Variants in SMC6 observed in about 807,000 individuals in gnomAD.
SMC6 encodes structural maintenance of chromosomes 6.
SMC6 carries 79 observed loss-of-function variants against 142.2 expected under a neutral mutation model. That is an observed-to-expected ratio of 0.56 (90% CI 0.46 to 0.67). The LOEUF (loss-of-function observed/expected upper bound fraction) is 0.67, where lower values mean the gene tolerates loss of function less well. Among genes scored for constraint, SMC6 ranks in the 30% least tolerant of loss-of-function variants. The probability of loss-of-function intolerance (pLI) is 0.00; values close to 1 mark genes in which losing one functional copy is unlikely to be tolerated. For missense variants in SMC6, 1,072 were observed against 1,284.0 expected (o/e 0.83, Z 2.52); for synonymous variants, 411 against 412.4 (o/e 1.00, Z 0.04).
intron 9 of SMC6, among the ~76,000 whole-genome samples, chr2:17,724,620 G>C (rs941966396): frequency 2.6e-5 from 4 of 152,300 alleles, no homozygotes; most frequent in Non-Finnish European, 5.9e-5. Context: ...TGGATCTTCA[G>C]GAATCTGAAG....
At chr2:17,687,377 A>G (rs1375254916) in intron 23 of SMC6, among the ~76,000 whole-genome samples, 1 of 152,216 alleles carries the variant, frequency 6.6e-6, no homozygotes, top group Non-Finnish European at 1.5e-5. Context: ...AAACTATGGT[A>G]CAGATCAATG....
At chr2:17,709,108 T>C (rs1366731200) in intron 16 of SMC6, among the ~76,000 whole-genome samples, 2 of 152,248 alleles carry the variant, frequency 1.3e-5, no homozygotes, top group Admixed American at 1.3e-4. Context: ...CCCAACGTCA[T>C]GAAGCTACTT....
intron 23 of SMC6, among the ~76,000 whole-genome samples, chr2:17,686,083 G>C (rs1451602892): frequency 6.6e-6 from 1 of 152,130 alleles, no homozygotes; most frequent in East Asian, 1.9e-4. Flanking sequence ...CCATCAGACA[G>C]GCACAAATTA....
At position 17,716,811 on chromosome 2, in the gene SMC6, A is replaced by C; in HGVS notation, c.1276T>G (p.Ser426Ala). 6.2e-7 allele frequency: 1 copy of C among 1,613,592 alleles called. No individual in the cohort carries two copies. The change falls in exon 14 of 28, where the codon TCA becomes GCA. Residue 426 changes from serine (S) to alanine (A), a missense_variant. Physicochemically the swap from Ser to Ala is moderately conservative, Grantham distance 99. This residue lies in a region of SMC6 where 994 missense variants were observed against 1,153.2 expected (regional missense o/e 0.86). Transcript: ENST00000448223. ...RVKAFQNQEN[S>A]VNQEIEQFQQ... ...AACTGTTCGATCTCTTGATTGACTG[A>C]ATTTTCTTGATTTTGAAAGGCCTTT...
chr2:17,720,839 A>G, intron 11 of SMC6, 101 bp downstream of exon 11: 1 of 976,870 alleles, frequency 1.0e-6, no homozygotes, highest in South Asian at 1.6e-5. Flanking sequence ...ATAGACAAAT[A>G]TACTGTCTGA....
Position 17,731,970 on chromosome 2 carries a change from AT to A in SMC6, c.345-94del, listed in dbSNP as rs1453143104. The stretch of plus-strand genomic sequence containing the variant: ...TTTTCAAATTTTTCAAAACCACCAA[AT>A]AATTTGGCCAATTCATTTGCAAATT... On this transcript the variant is annotated intron_variant, in intron 5 of 27. Coordinates refer to ENST00000448223, the MANE Select transcript of SMC6 (RefSeq NM_001142286.2). The A allele has an allele frequency of 2.9e-6, 4 of 1,364,302 alleles. No individual in the cohort carries two copies. In the African/African-American group the frequency reaches 5.8e-5, roughly 20 times the overall value. 84.5% of individuals were successfully genotyped at this position (1,364,302 alleles called of 1,614,324 possible).
rs772130747 is a variant in SMC6 at position 17,700,394 on chromosome 2, C to A, written c.2224-16G>T. 6.3e-7 allele frequency: 1 copy of A among 1,577,570 alleles called. No homozygotes were observed. The highest frequency in any genetic ancestry group is 1.9e-5 in the Admixed American group (1 of 53,586). On this transcript the variant is annotated splice_polypyrimidine_tract_variant and intron_variant, in intron 20 of 27. Coordinates refer to ENST00000448223, the MANE Select transcript of SMC6 (RefSeq NM_001142286.2). Reference sequence around the variant, plus strand: ...CTTCATCTTCCTGATAAAATTTAAACAGCATATAAGGTTAATTAAAATACT... The same window carrying A: ...CTTCATCTTCCTGATAAAATTTAAAAAGCATATAAGGTTAATTAAAATACT...
At chr2:17,693,581 T>C (rs915579591) in intron 23 of SMC6, among the ~76,000 whole-genome samples, 1 of 151,948 alleles carries the variant, frequency 6.6e-6, no homozygotes, top group Non-Finnish European at 1.5e-5. Flanking sequence ...GAGATATACC[T>C]AATGTTAAAT....
At chr2:17,726,995 T>C (rs1403037478) in intron 7 of SMC6, among the ~76,000 whole-genome samples, 1 of 152,254 alleles carries the variant, frequency 6.6e-6, no homozygotes, top group East Asian at 1.9e-4. Flanking sequence ...TGTCTATTTT[T>C]CTTACAGAAG....
At chr2:17,723,009 AAAAAG>A (rs771332570) in intron 9 of SMC6, among the ~76,000 whole-genome samples, 5 of 151,556 alleles carry the variant, frequency 3.3e-5, no homozygotes, top group South Asian at 2.1e-4. Context: ...TAAAAAAAAA[AAAAAG>A]AAAAGAAAGG....
At chr2:17,749,973 AACAG>A (rs1670946247) in intron 2 of SMC6, among the ~76,000 whole-genome samples, 1 of 152,214 alleles carries the variant, frequency 6.6e-6, no homozygotes, top group African/African-American at 2.4e-5. Context: ...TGCCTATCAC[AACAG>A]ACATTTATTC....
intron 18 of SMC6, among the ~76,000 whole-genome samples, chr2:17,706,490 C>T (rs770947508): frequency 2.7e-5 from 4 of 150,718 alleles, no homozygotes; most frequent in South Asian, 2.1e-4. Context: ...ATTTCCCCTA[C>T]ACATACAAGT....
chr2:17,665,726 G>C, intron 27 of SMC6, 113 bp from the exon 28 acceptor site: 1 of 520,894 alleles, frequency 1.9e-6, no homozygotes, highest in Non-Finnish European at 3.3e-6. Flanking sequence ...TTTTATCTGG[G>C]ATATATCTAA....
chr2:17,750,102 C>A (rs1331058149), intron 2 of SMC6, among the ~76,000 whole-genome samples: 1 of 152,148 alleles, frequency 6.6e-6, no homozygotes, highest in Non-Finnish European at 1.5e-5. Context: ...TCAGGATCAG[C>A]AAAACCGGGA....
chr2:17,665,452 C>T lies in SMC6; in HGVS notation c.*47G>A. On this transcript the variant is annotated 3_prime_UTR_variant, in exon 28 of 28. Coordinates refer to ENST00000448223, the MANE Select transcript of SMC6 (RefSeq NM_001142286.2). ...ATCAAAGAGTCCAGAATTTTTTTTCCCTTCACAAATCCTTCAACATCAGGA... is the reference window on the plus strand; with the variant it reads ...ATCAAAGAGTCCAGAATTTTTTTTCTCTTCACAAATCCTTCAACATCAGGA... The T allele has an allele frequency of 1.5e-6, 2 of 1,346,442 alleles. No individual in the cohort carries two copies. Among genetic ancestry groups the T allele is most frequent in the South Asian group, 1.5e-5 (1 of 68,222 alleles). 83.4% of individuals were successfully genotyped at this position (1,346,442 alleles called of 1,614,324 possible).
chr2:17,741,934 A>G (rs1356807937), intron 3 of SMC6, among the ~76,000 whole-genome samples: 1 of 152,252 alleles, frequency 6.6e-6, no homozygotes, highest in Non-Finnish European at 1.5e-5. Flanking sequence ...TAAAGGATTT[A>G]AAAGTATATC....
At chr2:17,739,083 A>C (rs184716142) in intron 4 of SMC6, among the ~76,000 whole-genome samples, 10 of 152,354 alleles carry the variant, frequency 6.6e-5, no homozygotes, top group Admixed American at 3.9e-4. Flanking sequence ...GAACTTAAGT[A>C]GAAAAAAATC....
chr2:17,707,997 T>TACACACAC (rs10540609), intron 17 of SMC6, among the ~76,000 whole-genome samples: 7 of 148,504 alleles, frequency 4.7e-5, no homozygotes, highest in Non-Finnish European at 9.0e-5. Flanking sequence ...TGTATATATA[T>TACACACAC]ACACACACAC....
chr2:17,720,745 A>T (rs17381041), intron 11 of SMC6, among the ~76,000 whole-genome samples, 195 bp downstream of exon 11: 2 of 152,030 alleles, frequency 1.3e-5, no homozygotes, highest in Non-Finnish European at 2.9e-5. Flanking sequence ...TATCAAGGAT[A>T]GAGTACTCTT....
Sources: allele counts gnomAD v4.1 joint callset (sites outside exome capture counted in the v4.1 genomes callset), GRCh38; gene constraint gnomAD v4.1.1; regional missense constraint gnomAD v4.1.1; transcripts MANE v1.5; gene names NCBI Gene and HGNC (gene_info 2026-07-23, HGNC 2026-07-21).